The following DLG2 variants were observed in gnomAD, a reference collection of about 807,000 sequenced individuals.
The protein encoded by DLG2 is discs large MAGUK scaffold protein 2, also known as disks large homolog 2.
In DLG2, 45 loss-of-function variants were observed where a neutral mutation model predicts 132.5. That is an observed-to-expected ratio of 0.34 (90% CI 0.27 to 0.44). DLG2 has a LOEUF of 0.44. Among genes scored for constraint, DLG2 ranks in the 20% least tolerant of loss-of-function variants. The pLI, the probability that DLG2 is intolerant of heterozygous loss-of-function variation, is 1.00. For missense variants in DLG2, 1,045 were observed against 1,196.9 expected (o/e 0.87, Z 1.87); for synonymous variants, 424 against 419.6 (o/e 1.01, Z -0.13).
rs2062628638 is a variant in DLG2, at chr11:84,727,532, C to T, written c.358-192801G>A. ...CAGTGTGAAGTAAGATAGCATGATG[C>T]CTCCAGCTTTCTTCTTCTTGTCCAG... On this transcript the variant is annotated intron_variant, in intron 6 of 27. Transcript: ENST00000376104. Among the ~76,000 whole-genome samples, 3 of 152,232 alleles carry T rather than the reference C, an allele frequency of 2.0e-5. No individual in the cohort carries two copies. The South Asian group carries it at 6.2e-4, about 32-fold the overall frequency.
chr11:84,931,385 C>G (rs2048068197), intron 6 of DLG2, among the ~76,000 whole-genome samples: 1 of 152,092 alleles, frequency 6.6e-6, no homozygotes, highest in South Asian at 2.1e-4. Flanking sequence ...TTCTCATCAT[C>G]TAGCTCCCAC....
chr11:84,516,120 C>G (rs1196552648), intron 7 of DLG2, among the ~76,000 whole-genome samples: 3 of 121,218 alleles, frequency 2.5e-5, no homozygotes. Flanking sequence ...CAATAAATGT[C>G]TACATCAAAA....
At chr11:84,111,247 C>T (rs975736205) in intron 9 of DLG2, among the ~76,000 whole-genome samples, 7 of 152,208 alleles carry the variant, frequency 4.6e-5, no homozygotes, top group Non-Finnish European at 1.0e-4. Context: ...TCCTATTCTG[C>T]AATTCTTCTT....
chr11:85,117,654 A>C (rs1489353738), intron 5 of DLG2, among the ~76,000 whole-genome samples: 2 of 151,464 alleles, frequency 1.3e-5, no homozygotes, highest in East Asian at 1.9e-4. Context: ...AAAAAAAAAA[A>C]CTAGTAAAAA....
chr11:84,269,861 T>G (rs1424721533), intron 7 of DLG2, among the ~76,000 whole-genome samples: 1 of 152,172 alleles, frequency 6.6e-6, no homozygotes, highest in African/African-American at 2.4e-5. Context: ...ATTTGTACAT[T>G]GCAGCAAGAG....
chr11:84,668,951 T>C (rs1257437026), intron 6 of DLG2, among the ~76,000 whole-genome samples: 1 of 151,868 alleles, frequency 6.6e-6, no homozygotes, highest in Non-Finnish European at 1.5e-5. Context: ...CAGAAAAAAA[T>C]AAGCAAACAA....
At chr11:83,625,860 A>G (rs1015698172) in intron 19 of DLG2, among the ~76,000 whole-genome samples, 11 of 152,218 alleles carry the variant, frequency 7.2e-5, no homozygotes. Context: ...CATCCTGAGG[A>G]TGCAACCAGA....
chr11:85,151,193 T>G (rs2077226508), intron 5 of DLG2, among the ~76,000 whole-genome samples: 1 of 152,210 alleles, frequency 6.6e-6, no homozygotes, highest in Non-Finnish European at 1.5e-5. Context: ...TCAAGTCTTT[T>G]GTCCATTTTT....
At chr11:84,358,719 T>C (rs1023496383) in intron 7 of DLG2, among the ~76,000 whole-genome samples, 12 of 152,024 alleles carry the variant, frequency 7.9e-5, no homozygotes, top group Admixed American at 7.2e-4. Context: ...TAGGACATAC[T>C]CAGTTTTATA....
chr11:84,769,968 A>AT (rs1229146907), intron 6 of DLG2, among the ~76,000 whole-genome samples: 3 of 152,196 alleles, frequency 2.0e-5, no homozygotes, highest in Non-Finnish European at 2.9e-5. Context: ...AGATCTCGGT[A>AT]TAGTTCAGAT....
chr11:84,753,719 C>A (rs1037916235), intron 6 of DLG2, among the ~76,000 whole-genome samples: 1 of 152,100 alleles, frequency 6.6e-6, no homozygotes, highest in African/African-American at 2.4e-5. Flanking sequence ...TATCTAAAGT[C>A]ATGGAATGGG....
intron 6 of DLG2, among the ~76,000 whole-genome samples, chr11:84,827,978 T>C (rs965828655): frequency 6.6e-6 from 1 of 151,828 alleles, no homozygotes; most frequent in Non-Finnish European, 1.5e-5. Context: ...ATAATGTAGA[T>C]ATATGCCATG....
rs148513929 is a variant in DLG2 at position 84,607,323 on chromosome 11, C to T, written c.358-72592G>A. On this transcript the variant is annotated intron_variant, in intron 6 of 27. Coordinates refer to ENST00000376104, the MANE Select transcript of DLG2 (RefSeq NM_001142699.3). The stretch of plus-strand genomic sequence containing the variant: ...AGTATACAGATAGAACTTATTTCCA[C>T]GAGGCTCCAAAGTCCTTTCTTCTAC... Among the ~76,000 whole-genome samples the T allele has an allele frequency of 1.9e-3, 292 of 152,272 alleles. 4 individuals carry two copies. The highest frequency in any genetic ancestry group is 6.7e-3 in the African/African-American group (277 of 41,554).
intron 2 of DLG2, among the ~76,000 whole-genome samples, chr11:85,618,826 C>A (rs2081512265): frequency 6.6e-6 from 1 of 152,072 alleles, no homozygotes. Context: ...ATTCTTCTAC[C>A]CACAAAAGTA....
At chr11:85,113,368 C>T (rs149297330) in intron 5 of DLG2, among the ~76,000 whole-genome samples, 6 of 152,048 alleles carry the variant, frequency 3.9e-5, no homozygotes, top group South Asian at 2.1e-4. Context: ...CAAAATATGA[C>T]GGGTGCATAA....
chr11:84,354,401 C>T (rs1326250828), intron 7 of DLG2, among the ~76,000 whole-genome samples: 2 of 152,104 alleles, frequency 1.3e-5, no homozygotes, highest in East Asian at 1.9e-4. Flanking sequence ...GCCTGCATAT[C>T]GTCTCCTTTT....
chr11:83,792,196 T>C (rs1425130608), intron 17 of DLG2, among the ~76,000 whole-genome samples: 3 of 152,198 alleles, frequency 2.0e-5, no homozygotes, highest in Non-Finnish European at 4.4e-5. Context: ...TATGAACACT[T>C]ATAAAAGTGT....
chr11:83,863,484 AT>A (rs1321634792), intron 16 of DLG2, among the ~76,000 whole-genome samples: 1 of 152,108 alleles, frequency 6.6e-6, no homozygotes, highest in African/African-American at 2.4e-5. Context: ...TGGACAATGA[AT>A]GGAGACTTTG....
intron 6 of DLG2, among the ~76,000 whole-genome samples, chr11:84,909,561 G>A (rs576473314): frequency 2.0e-5 from 3 of 152,270 alleles, no homozygotes; most frequent in Non-Finnish European, 2.9e-5. Flanking sequence ...CAATCATTGA[G>A]TACATTCTTT....
Sources: allele counts gnomAD v4.1 joint callset (sites outside exome capture counted in the v4.1 genomes callset), GRCh38; gene constraint gnomAD v4.1.1; transcripts MANE v1.5; gene names NCBI Gene and HGNC (gene_info 2026-07-23, HGNC 2026-07-21).